PKNOX2: variants seen among roughly 807,000 people sequenced by gnomAD.
PKNOX2 encodes the protein PBX/knotted 1 homeobox 2.
A neutral mutation model predicts 53.1 loss-of-function variants in PKNOX2; 14 were observed. The ratio of observed to expected loss-of-function variants is 0.26; its 90% CI spans 0.17 to 0.41. PKNOX2 has a LOEUF of 0.41. Among genes scored for constraint, PKNOX2 ranks in the 10% least tolerant of loss-of-function variants. The pLI, the probability that PKNOX2 is intolerant of heterozygous loss-of-function variation, is 1.00. For synonymous variants in PKNOX2, 257 were observed against 242.8 expected, an observed-to-expected ratio of 1.06 and a Z score of -0.54; for missense variants, 496 against 602.8, an observed-to-expected ratio of 0.82 and a Z score of 1.85.
rs377754317 is a variant in PKNOX2, at chr11:125,351,065, T to C, written c.-22-219T>C. On this transcript the variant is annotated intron_variant, in intron 3 of 12. Coordinates refer to ENST00000298282, the MANE Select transcript of PKNOX2 (RefSeq NM_001382323.2). Reference sequence around the variant, plus strand: ...GCAGGGGTACCGGTTGTTTTACATATGATTTGAATATTGTTTCTTTCAAGT... The same window carrying C: ...GCAGGGGTACCGGTTGTTTTACATACGATTTGAATATTGTTTCTTTCAAGT... Among the ~76,000 whole-genome samples, 156 of 152,142 alleles carry C rather than the reference T, an allele frequency of 1.0e-3. No individual in the cohort carries two copies. The South Asian group carries it at 0.024, about 23-fold the overall frequency.
intron 10 of PKNOX2, among the ~76,000 whole-genome samples, chr11:125,423,614 G>A (rs1344296104): frequency 6.6e-6 from 1 of 152,186 alleles, no homozygotes; most frequent in Non-Finnish European, 1.5e-5. Context: ...TAGTGAGGTA[G>A]GGTTGAAAAG....
intron 1 of PKNOX2, among the ~76,000 whole-genome samples, chr11:125,178,577 G>GGAAAGAAAGAAA (rs1317090688): frequency 5.9e-5 from 2 of 34,098 alleles, no homozygotes; most frequent in African/African-American, 3.7e-4. Flanking sequence ...AAGGAAGGAA[G>GGAAAGAAAGAAA]GAAGGAAGGA....
At chr11:125,222,773 G>A (rs1487235606) in intron 1 of PKNOX2, among the ~76,000 whole-genome samples, 1 of 151,278 alleles carries the variant, frequency 6.6e-6, no homozygotes, top group Non-Finnish European at 1.5e-5. Context: ...GTGTATGTGT[G>A]TGTGTATGTG....
chr11:125,203,552 C>T (rs1040805515), intron 1 of PKNOX2, among the ~76,000 whole-genome samples: 1 of 151,096 alleles, frequency 6.6e-6, no homozygotes, highest in African/African-American at 2.5e-5. Flanking sequence ...TCTTTGGGGA[C>T]AGGACTGCAA....
intron 2 of PKNOX2, among the ~76,000 whole-genome samples, chr11:125,238,371 A>G (rs1189455205): frequency 6.6e-6 from 1 of 152,224 alleles, no homozygotes; most frequent in Non-Finnish European, 1.5e-5. Flanking sequence ...GCTAGGCATC[A>G]TGCTAAGCAC....
At chr11:125,280,139 G>A (rs996511527) in intron 2 of PKNOX2, among the ~76,000 whole-genome samples, 6 of 148,452 alleles carry the variant, frequency 4.0e-5, no homozygotes, top group Non-Finnish European at 8.9e-5. Context: ...GCAGTGGGGT[G>A]ATATCTGAAA....
intron 2 of PKNOX2, among the ~76,000 whole-genome samples, chr11:125,314,411 C>G (rs910627369): frequency 6.6e-6 from 1 of 152,196 alleles, no homozygotes; most frequent in Non-Finnish European, 1.5e-5. Context: ...AGAAGTCCAT[C>G]TGCATCTTAA....
At position 125,284,073 on chromosome 11, in the gene PKNOX2, T is replaced by A. The variant is rs540032364; in HGVS notation, c.-129-47746T>A. On this transcript the variant is annotated intron_variant, in intron 2 of 12. Coordinates refer to ENST00000298282, the MANE Select transcript of PKNOX2 (RefSeq NM_001382323.2). Reference sequence around the variant, plus strand: ...ATGTAACCTCTCTAGCCTTGGTCTCTCCATCGGTAGATGGAAATAGTAACT... The same window carrying A: ...ATGTAACCTCTCTAGCCTTGGTCTCACCATCGGTAGATGGAAATAGTAACT... Among the ~76,000 whole-genome samples the A allele has an allele frequency of 2.0e-5, 3 of 152,354 alleles. No homozygotes were observed. In the South Asian group the frequency reaches 6.2e-4, roughly 32 times the overall value.
At chr11:125,271,446 A>G (rs1385974255) in intron 2 of PKNOX2, among the ~76,000 whole-genome samples, 1 of 152,096 alleles carries the variant, frequency 6.6e-6, no homozygotes. Flanking sequence ...TTCCTCCCAT[A>G]ATTTGCACCG....
At chr11:125,203,831 G>A (rs913879783) in intron 1 of PKNOX2, among the ~76,000 whole-genome samples, 7 of 152,114 alleles carry the variant, frequency 4.6e-5, no homozygotes, top group African/African-American at 1.4e-4. Flanking sequence ...CATGTCCCCC[G>A]AAGCAATGGG....
chr11:125,311,560 G>A (rs1229944568), intron 2 of PKNOX2, among the ~76,000 whole-genome samples: 5 of 152,182 alleles, frequency 3.3e-5, no homozygotes, highest in African/African-American at 1.2e-4. Context: ...GAGACATGAA[G>A]GGAGGTGACA....
chr11:125,323,978 G>A (rs1949682617), intron 2 of PKNOX2, among the ~76,000 whole-genome samples: 1 of 151,970 alleles, frequency 6.6e-6, no homozygotes, highest in Non-Finnish European at 1.5e-5. Context: ...AGGCCATCCG[G>A]AGCTCAGTTC....
intron 2 of PKNOX2, among the ~76,000 whole-genome samples, chr11:125,331,457 A>G (rs1950139863): frequency 6.6e-6 from 1 of 151,942 alleles, no homozygotes; most frequent in African/African-American, 2.4e-5. Flanking sequence ...GTTTCCCCAC[A>G]GCCTTAATAC....
chr11:125,239,222 T>G (rs983703969), intron 2 of PKNOX2, among the ~76,000 whole-genome samples: 31 of 152,344 alleles, frequency 2.0e-4, no homozygotes, highest in Middle Eastern at 3.4e-3. Context: ...TAATACACAT[T>G]AGTGTCTTGC....
intron 2 of PKNOX2, among the ~76,000 whole-genome samples, chr11:125,302,806 G>A (rs192612438): frequency 1.1e-4 from 16 of 152,286 alleles, no homozygotes; most frequent in Middle Eastern, 3.4e-3. Flanking sequence ...CCCTCTCCAC[G>A]TCTTTTCCCA....
At chr11:125,312,940 A>G (rs59945977) in intron 2 of PKNOX2, among the ~76,000 whole-genome samples, 5,860 of 152,290 alleles carry the variant, frequency 0.038, 406 homozygotes, top group African/African-American at 0.13. Context: ...AAAGATGAAC[A>G]GAGGCATAAG....
intron 1 of PKNOX2, among the ~76,000 whole-genome samples, chr11:125,179,640 G>A (rs1038863841): frequency 6.6e-6 from 1 of 152,128 alleles, no homozygotes; most frequent in Non-Finnish European, 1.5e-5. Flanking sequence ...AGAACCCCTG[G>A]AGTCTGACTC....
chr11:125,221,896 G>A (rs555938504), intron 1 of PKNOX2, among the ~76,000 whole-genome samples: 10 of 152,232 alleles, frequency 6.6e-5, no homozygotes, highest in African/African-American at 1.2e-4. Context: ...CCCACTGCCC[G>A]CCCGGGCTGT....
At chr11:125,275,544 G>T (rs571019391) in intron 2 of PKNOX2, among the ~76,000 whole-genome samples, 1 of 152,176 alleles carries the variant, frequency 6.6e-6, no homozygotes, top group Non-Finnish European at 1.5e-5. Flanking sequence ...AAGGGGGCTG[G>T]TGGAGGCTTT....
Sources: allele counts gnomAD v4.1 joint callset (sites outside exome capture counted in the v4.1 genomes callset), GRCh38; gene constraint gnomAD v4.1.1; transcripts MANE v1.5; gene names NCBI Gene and HGNC (gene_info 2026-07-23, HGNC 2026-07-21).